Variants in GRAMD4 observed in about 807,000 individuals in gnomAD.
The protein encoded by GRAMD4 is GRAM domain containing 4.
In GRAMD4, 25 loss-of-function variants were observed where a neutral mutation model predicts 83.9. The ratio of observed to expected loss-of-function variants is 0.30; its 90% CI spans 0.22 to 0.42. The LOEUF is 0.42. Ranked by LOEUF, GRAMD4 falls within the 10% of genes least tolerant of loss-of-function variation. The pLI is 1.00. For missense variants in GRAMD4, 593 were observed against 788.7 expected (o/e 0.75, Z 2.97); for synonymous variants, 336 against 320.9 (o/e 1.05, Z -0.50).
intron 15 of GRAMD4, among the ~76,000 whole-genome samples, chr22:46,674,379 G>C (rs1057194871): frequency 6.6e-6 from 1 of 152,234 alleles, no homozygotes; most frequent in Non-Finnish European, 1.5e-5. Context: ...GGTCTTGGAG[G>C]TGGTGTCCCG....
At chr22:46,630,317 C>T (rs887118465) in intron 2 of GRAMD4, among the ~76,000 whole-genome samples, 19 of 152,310 alleles carry the variant, frequency 1.2e-4, no homozygotes, top group South Asian at 4.1e-4. Flanking sequence ...TGAGCCACCG[C>T]GCCCGACCTG....
chr22:46,614,294 G>A (rs1340180774), intron 1 of GRAMD4, among the ~76,000 whole-genome samples: 2 of 152,156 alleles, frequency 1.3e-5, no homozygotes, highest in African/African-American at 2.4e-5. Context: ...GCTGCCACTC[G>A]GGGCCTCACT....
At chr22:46,611,854 G>A (rs1396934311) in intron 1 of GRAMD4, among the ~76,000 whole-genome samples, 4 of 151,260 alleles carry the variant, frequency 2.6e-5, no homozygotes, top group African/African-American at 7.3e-5. Context: ...AAAATTAGCC[G>A]GGCATGGTGG....
Position 46,678,005 on chromosome 22 carries a change from G to A in GRAMD4, c.*754G>A, listed in dbSNP as rs1344409746. 11 of 985,588 alleles carry A rather than the reference G, an allele frequency of 1.1e-5. No individual in the cohort carries two copies. The highest frequency in any genetic ancestry group is 3.5e-5 in the African/African-American group (2 of 57,260). The allele number at this position is 985,588 out of a possible 1,614,324, so 61.1% of individuals were successfully genotyped here. A position where few individuals can be genotyped will look rare whatever the true frequency, so the allele number is the denominator to read the frequency against. Reference sequence around the variant, plus strand: ...CCTGCTGCTCTCGGCCTGACACGCCGGCCAGGAGGTCTGTAGCTGGGGACC... The same window carrying A: ...CCTGCTGCTCTCGGCCTGACACGCCAGCCAGGAGGTCTGTAGCTGGGGACC... On this transcript the variant is annotated 3_prime_UTR_variant, in exon 19 of 19. Transcript: ENST00000406902.
chr22:46,667,978 C>T (rs1056200383), intron 10 of GRAMD4, 118 bp from the exon 11 acceptor site: 2 of 704,684 alleles, frequency 2.8e-6, no homozygotes, highest in Non-Finnish European at 5.0e-6. Flanking sequence ...TCCCATCCCC[C>T]CTGGCTGTGT....
intron 9 of GRAMD4, 61 bp from the exon 10 acceptor site, chr22:46,666,764 G>A (rs1279760128): frequency 1.2e-5 from 17 of 1,423,394 alleles, no homozygotes; most frequent in Non-Finnish European, 1.7e-5. Context: ...CCAGCGATTC[G>A]ATGCCTTCCC....
intron 13 of GRAMD4, chr22:46,671,309 G>A (rs964805906): frequency 8.5e-5 from 17 of 198,850 alleles, no homozygotes; most frequent in East Asian, 1.5e-4. Context: ...TTGGAAGGCC[G>A]AGGCGGGTGA....
At chr22:46,664,584 G>A (rs1184461886) in intron 8 of GRAMD4, among the ~76,000 whole-genome samples, 16 of 152,210 alleles carry the variant, frequency 1.1e-4, no homozygotes, top group African/African-American at 3.1e-4. Context: ...CAGGGCCTTG[G>A]GGAAAAGGTG....
chr22:46,579,504 C>G (rs893655162), intron 1 of GRAMD4, among the ~76,000 whole-genome samples: 2 of 152,328 alleles, frequency 1.3e-5, no homozygotes, highest in African/African-American at 2.4e-5. Context: ...CCTGTTTTCT[C>G]TTTGGAAGGA....
chr22:46,648,891 G>C (rs952785586), intron 3 of GRAMD4, among the ~76,000 whole-genome samples: 16 of 122,682 alleles, frequency 1.3e-4, no homozygotes, highest in African/African-American at 4.2e-4. Flanking sequence ...TGGATGGATG[G>C]ATGGATGCAT....
intron 1 of GRAMD4, among the ~76,000 whole-genome samples, chr22:46,595,696 C>T (rs542605499): frequency 1.1e-4 from 17 of 152,362 alleles, no homozygotes; most frequent in South Asian, 1.0e-3. Flanking sequence ...TCCAAGTCAT[C>T]GCAGGGACCC....
At chr22:46,600,517 A>G (rs561582815) in intron 1 of GRAMD4, among the ~76,000 whole-genome samples, 51 of 152,276 alleles carry the variant, frequency 3.3e-4, no homozygotes, top group African/African-American at 1.2e-3. Context: ...GGGATGGGTA[A>G]TTCCCCGTGG....
chr22:46,633,853 G>A (rs2081816419), intron 2 of GRAMD4, among the ~76,000 whole-genome samples: 1 of 152,190 alleles, frequency 6.6e-6, no homozygotes, highest in South Asian at 2.1e-4. Flanking sequence ...TGTCCTCAGT[G>A]TGGGGCTGGG....
chr22:46,663,866 G>A lies in GRAMD4; in HGVS notation c.625+3G>A, dbSNP rs2082368146. On this transcript the variant is annotated splice_donor_region_variant and intron_variant, in intron 7 of 18. Coordinates refer to ENST00000406902, the MANE Select transcript of GRAMD4 (RefSeq NM_015124.5). The stretch of plus-strand genomic sequence containing the variant: ...AACTGAAAATATGAGACGGCTCAGT[G>A]AGTACCAGCGGCTCTGCGTGGCGCC... 1 of 1,613,236 alleles carries A rather than the reference G, an allele frequency of 6.2e-7. No individual in the cohort carries two copies. The highest frequency in any genetic ancestry group is 1.3e-5 in the African/African-American group (1 of 74,944).
intron 1 of GRAMD4, among the ~76,000 whole-genome samples, chr22:46,609,820 T>G (rs2081400187): frequency 6.6e-6 from 1 of 152,232 alleles, no homozygotes; most frequent in Non-Finnish European, 1.5e-5. Context: ...TTCACCAGTC[T>G]TCTTCACTGT....
At chr22:46,589,620 CTG>C (rs958393780) in intron 1 of GRAMD4, among the ~76,000 whole-genome samples, 10 of 152,136 alleles carry the variant, frequency 6.6e-5, no homozygotes, top group Admixed American at 2.0e-4. Context: ...AAGCGGGTGT[CTG>C]AGAGTTCCCA....
chr22:46,644,245 A>G (rs1217140736), intron 3 of GRAMD4, among the ~76,000 whole-genome samples: 1 of 123,104 alleles, frequency 8.1e-6, no homozygotes, highest in African/African-American at 3.1e-5. Context: ...CCGTGTTACA[A>G]CTGTCCCTGT....
chr22:46,603,738 G>A (rs569071261), intron 1 of GRAMD4, among the ~76,000 whole-genome samples: 12 of 150,934 alleles, frequency 8.0e-5, no homozygotes, highest in East Asian at 3.9e-4. Context: ...GGATGGTCTC[G>A]ATCTCCTGAC....
chr22:46,624,561 C>T (rs1180828593), intron 1 of GRAMD4, among the ~76,000 whole-genome samples: 1 of 152,078 alleles, frequency 6.6e-6, no homozygotes, highest in Non-Finnish European at 1.5e-5. Flanking sequence ...CTCCTGCCCT[C>T]GTGATCCGCC....
Sources: gnomAD v4.1 joint callset for allele counts (sites outside exome capture counted in the v4.1 genomes callset) on GRCh38, gnomAD v4.1.1 for gene constraint, MANE v1.5 for transcripts, NCBI Gene and HGNC (gene_info 2026-07-23, HGNC 2026-07-21) for gene names.